Variants in PGCKA1 observed in about 807,000 individuals in gnomAD.
PGCKA1 encodes PDCD10 and GCKIII kinases-associated protein 1.
the PGCKA1 span, among the ~76,000 whole-genome samples, chr4:37,541,310 C>T: frequency 3.9e-5 from 6 of 152,158 alleles, no homozygotes; most frequent in Non-Finnish European, 7.4e-5. Flanking sequence ...ACTTATAGAA[C>T]GATATAAAGC....
chr4:37,574,878 C>T, the PGCKA1 span, among the ~76,000 whole-genome samples: 1 of 152,108 alleles, frequency 6.6e-6, no homozygotes, highest in African/African-American at 2.4e-5. Context: ...TCTTTCTGTG[C>T]CTGGCTTATT....
At chr4:37,457,127 C>T in the PGCKA1 span, among the ~76,000 whole-genome samples, 2 of 152,216 alleles carry the variant, frequency 1.3e-5, no homozygotes, top group Non-Finnish European at 2.9e-5. Flanking sequence ...ACATTTTCAA[C>T]AACCTAGTGC....
chr4:37,541,176 C>T, the PGCKA1 span, among the ~76,000 whole-genome samples: 3 of 152,122 alleles, frequency 2.0e-5, no homozygotes, highest in African/African-American at 7.2e-5. Context: ...TATTCACGGC[C>T]TCTCCCCACC....
the PGCKA1 span, among the ~76,000 whole-genome samples, chr4:37,546,181 A>G: frequency 6.6e-6 from 1 of 152,246 alleles, no homozygotes; most frequent in Non-Finnish European, 1.5e-5. Flanking sequence ...ACTGTCTGAA[A>G]AAGGTACTGA....
chr4:37,462,752 T>TGAG, the PGCKA1 span, among the ~76,000 whole-genome samples: 8 of 152,084 alleles, frequency 5.3e-5, no homozygotes, highest in African/African-American at 1.4e-4. Context: ...GCAACTAAGC[T>TGAG]GAGGCTTTAA....
chr4:37,589,942 T>C, the PGCKA1 span: 1 of 738,776 alleles, frequency 1.4e-6, no homozygotes, highest in Non-Finnish European at 2.3e-6. Flanking sequence ...ATACCAACTA[T>C]ATCTATTTGA....
chr4:37,457,294 G>T, the PGCKA1 span, among the ~76,000 whole-genome samples: 3 of 152,186 alleles, frequency 2.0e-5, no homozygotes, highest in Non-Finnish European at 4.4e-5. Context: ...ATGGACAGTA[G>T]AACAGCCTTT....
chr4:37,523,266 G>A, the PGCKA1 span, among the ~76,000 whole-genome samples: 5 of 152,116 alleles, frequency 3.3e-5, no homozygotes, highest in South Asian at 2.1e-4. Context: ...CTAACAAAAT[G>A]CACTGAGTTC....
the PGCKA1 span, among the ~76,000 whole-genome samples, chr4:37,518,363 G>A: frequency 1.3e-5 from 2 of 152,128 alleles, no homozygotes; most frequent in East Asian, 1.9e-4. Context: ...GTCCATAGTC[G>A]TTGCACTAAT....
At chr4:37,497,595 G>A in the PGCKA1 span, among the ~76,000 whole-genome samples, 2 of 152,012 alleles carry the variant, frequency 1.3e-5, no homozygotes, top group Non-Finnish European at 2.9e-5. Context: ...AGGTGGTATC[G>A]CATTGTGGCT....
At chr4:37,568,040 G>C in the PGCKA1 span, among the ~76,000 whole-genome samples, 1 of 152,150 alleles carries the variant, frequency 6.6e-6, no homozygotes, top group South Asian at 2.1e-4. Flanking sequence ...ATTCAACATG[G>C]ATATCAAAGA....
chr4:37,530,848 G>A, the PGCKA1 span, among the ~76,000 whole-genome samples: 1 of 151,914 alleles, frequency 6.6e-6, no homozygotes, highest in African/African-American at 2.4e-5. Flanking sequence ...GGTGTGGTGT[G>A]GTGGTGGGCA....
the PGCKA1 span, among the ~76,000 whole-genome samples, chr4:37,562,782 A>G: frequency 6.6e-6 from 1 of 152,212 alleles, no homozygotes; most frequent in Non-Finnish European, 1.5e-5. Flanking sequence ...TTTCCTGGAC[A>G]GTAAACTCTT....
chr4:37,470,623 G>A, the PGCKA1 span, among the ~76,000 whole-genome samples: 6 of 152,174 alleles, frequency 3.9e-5, no homozygotes, highest in Non-Finnish European at 8.8e-5. Flanking sequence ...TCGGGTTTAA[G>A]AGAAGATGGC....
the PGCKA1 span, among the ~76,000 whole-genome samples, chr4:37,544,688 G>C: frequency 2.0e-5 from 3 of 151,588 alleles, no homozygotes; most frequent in South Asian, 6.3e-4. Flanking sequence ...CTTTCAGTTT[G>C]GGGGAACAAG....
chr4:37,582,840 C>G, the PGCKA1 span, among the ~76,000 whole-genome samples: 2 of 145,854 alleles, frequency 1.4e-5, no homozygotes, highest in South Asian at 2.1e-4. Context: ...TACTTTAAGA[C>G]TAAATATCCT....
chr4:37,455,387 C>CTTTA, the PGCKA1 span, among the ~76,000 whole-genome samples: 1 of 152,146 alleles, frequency 6.6e-6, no homozygotes, highest in African/African-American at 2.4e-5. Flanking sequence ...TTGTATTTCC[C>CTTTA]TAAAGTGTGA....
the PGCKA1 span, among the ~76,000 whole-genome samples, chr4:37,466,334 G>A: frequency 2.6e-5 from 4 of 151,694 alleles, no homozygotes; most frequent in African/African-American, 9.7e-5. Flanking sequence ...TTCCTGTTGG[G>A]GCAACTCATT....
the PGCKA1 span, among the ~76,000 whole-genome samples, chr4:37,556,999 G>C: frequency 6.6e-6 from 1 of 152,014 alleles, no homozygotes; most frequent in Non-Finnish European, 1.5e-5. Context: ...TCACTGAAAG[G>C]GTGTAAAACC....
Sources: allele counts gnomAD v4.1 joint callset (sites outside exome capture counted in the v4.1 genomes callset), GRCh38; gene constraint gnomAD v4.1.1; transcripts MANE v1.5; gene names NCBI Gene and HGNC (gene_info 2026-07-23, HGNC 2026-07-21).